IL5: variants seen among roughly 807,000 people sequenced by gnomAD.
IL5 encodes the protein interleukin 5, also known as interleukin-5.
IL5 carries 12 observed loss-of-function variants against 16.3 expected under a neutral mutation model. The ratio of observed to expected loss-of-function variants is 0.74; its 90% CI spans 0.47 to 1.20. The LOEUF (loss-of-function observed/expected upper bound fraction) is 1.20, where lower values mean the gene tolerates loss of function less well. Ranked by LOEUF, IL5 falls within the 50% of genes most tolerant of loss-of-function variation. The probability of loss-of-function intolerance (pLI) is 0.00; values close to 1 mark genes in which losing one functional copy is unlikely to be tolerated. For synonymous variants in IL5, 54 were observed against 56.6 expected (o/e 0.95, Z 0.21); for missense variants, 159 against 153.9 (o/e 1.03, Z -0.17).
chr5:132,543,642 C>T (rs1005694669), upstream of IL5: 11 of 478,588 alleles, frequency 2.3e-5, no homozygotes, highest in African/African-American at 4.0e-5. Context: ...TTTCCAATGC[C>T]TTATATCTTA....
At chr5:132,546,138 T>A (rs1378193175), upstream of IL5, among the ~76,000 whole-genome samples, 1 of 152,210 alleles carries the variant, frequency 6.6e-6, no homozygotes, top group Non-Finnish European at 1.5e-5. Flanking sequence ...GTATTTCTTT[T>A]AGAAATGTTT....
Position 132,543,432 on chromosome 5 carries a change from T to C in IL5, c.47A>G (p.Tyr16Cys), listed in dbSNP as rs1365792142. The C allele has an allele frequency of 6.2e-7, 1 of 1,614,002 alleles. No homozygotes were observed. Among genetic ancestry groups the C allele is most frequent in the African/African-American group, 1.3e-5 (1 of 74,938 alleles). ...AATTTCTGTGGGGATGGCATACACG[T>C]AGGCAGCTCCAAGAGCTAGCAAACT... ...HLSLLALGAA[Y>C]VYAIPTEIPT... Residue 16 changes from tyrosine (Y) to cysteine (C), a missense_variant, in exon 1 of 4, where the codon TAC becomes TGC. By Grantham distance (194) the Tyr-to-Cys change is radical (BLOSUM62 -2). Transcript: ENST00000231454.
intron 1 of IL5, among the ~76,000 whole-genome samples, chr5:132,554,322 G>A (rs1241049047): frequency 7.3e-6 from 1 of 136,458 alleles, no homozygotes; most frequent in Non-Finnish European, 1.5e-5. Context: ...AGCCAAGATC[G>A]CACCATTGCA....
chr5:132,544,837 C>T (rs560776560), upstream of IL5, among the ~76,000 whole-genome samples: 3 of 152,264 alleles, frequency 2.0e-5, no homozygotes, highest in Admixed American at 1.3e-4. Context: ...GAACAGTTTT[C>T]CAAAGCTAGG....
rs1749900732 is a variant in IL5 at position 132,552,564 on chromosome 5, C to T, written c.42+4110G>A. Among the ~76,000 whole-genome samples the T allele has an allele frequency of 2.0e-5, 3 of 151,968 alleles. No homozygotes were observed. The South Asian group carries it at 6.2e-4, about 32-fold the overall frequency. On this transcript the variant is annotated intron_variant, in intron 1 of 2. Coordinates refer to the IL5 transcript ENST00000450655. The stretch of plus-strand genomic sequence containing the variant: ...AGTTGAAATTTTTTTGTAATGGAAC[C>T]TGGTTACCTTGGCATGTCCATTTTT...
chr5:132,542,216 C>T (rs1749708945), intron 2 of IL5, 73 bp from the exon 3 acceptor site: 1 of 959,982 alleles, frequency 1.0e-6, no homozygotes, highest in African/African-American at 1.6e-5. Context: ...GTCCATTCTG[C>T]AATGTATACA....
chr5:132,543,278 C>G, intron 1 of IL5, 57 bp downstream of exon 1: 1 of 1,509,314 alleles, frequency 6.6e-7, no homozygotes, highest in South Asian at 1.2e-5. Context: ...GTAAAGGAAC[C>G]ATCACAAATG....
chr5:132,549,907 T>C (rs1749857778), intron 1 of IL5, among the ~76,000 whole-genome samples: 1 of 152,232 alleles, frequency 6.6e-6, no homozygotes, highest in Non-Finnish European at 1.5e-5. Context: ...AATAACATTA[T>C]AGGAAAATAA....
intron 1 of IL5, among the ~76,000 whole-genome samples, chr5:132,553,509 T>C (rs920661132): frequency 3.3e-5 from 5 of 152,258 alleles, no homozygotes; most frequent in African/African-American, 4.8e-5. Context: ...CATTTCTTGC[T>C]TCTTCTTTTA....
At chr5:132,553,663 A>C (rs1749919557) in intron 1 of IL5, among the ~76,000 whole-genome samples, 1 of 150,912 alleles carries the variant, frequency 6.6e-6, no homozygotes, top group African/African-American at 2.4e-5. Flanking sequence ...GTGGCCGGGC[A>C]CGCTGGCTCA....
upstream of IL5, chr5:132,543,560 C>A: frequency 7.2e-7 from 1 of 1,389,214 alleles, no homozygotes. Flanking sequence ...TATTGTCTGT[C>A]TTTGAGGAAA....
chr5:132,548,636 CCA>C (rs1348408917), intron 1 of IL5, among the ~76,000 whole-genome samples: 6 of 152,116 alleles, frequency 3.9e-5, no homozygotes, highest in Non-Finnish European at 5.9e-5. Flanking sequence ...CTACACAGTC[CCA>C]GTCTGTGAGT....
intron 1 of IL5, among the ~76,000 whole-genome samples, chr5:132,553,975 T>G (rs1749927691): frequency 6.8e-6 from 1 of 148,090 alleles, no homozygotes; most frequent in South Asian, 2.1e-4. Flanking sequence ...GTCTTGGTGG[T>G]TTACACAAAT....
chr5:132,548,517 A>G (rs931809143), upstream of IL5, among the ~76,000 whole-genome samples: 1 of 152,228 alleles, frequency 6.6e-6, no homozygotes, highest in African/African-American at 2.4e-5. Flanking sequence ...TTATTTCATT[A>G]TACTGTTGAT....
At chr5:132,546,990 C>T (rs190777700), upstream of IL5, among the ~76,000 whole-genome samples, 247 of 152,234 alleles carry the variant, frequency 1.6e-3, no homozygotes, top group African/African-American at 5.8e-3. Context: ...CACGCCACTG[C>T]ACGCCAGCCT....
rs553316193 is a variant in IL5, at chr5:132,556,014, A to G, written c.42+660T>C. On this transcript the variant is annotated intron_variant, in intron 1 of 2. Coordinates refer to the IL5 transcript ENST00000450655. ...TTTTAACCTGGTACAGCAAGAGACT[A>G]TTTCTCACTGGTCTTCCCCACTTGC... 4 of 152,052 alleles carry G rather than the reference A, an allele frequency of 2.6e-5. No homozygotes were observed. In the East Asian group the frequency reaches 7.7e-4, roughly 29 times the overall value. The allele number at this position is 152,052 out of a possible 1,614,324, so 9.4% of individuals were successfully genotyped here. A position where few individuals can be genotyped will look rare whatever the true frequency, so the allele number is the denominator to read the frequency against.
chr5:132,543,380 G>T lies in IL5; in HGVS notation c.99C>A (p.Thr33=). ...EIPTSALVKE[T]LALLSTHRTL... Reference sequence around the variant, plus strand: ...TTCGATGAGTAGAAAGCAGTGCCAAGGTCTCTTTCACCAATGCACTTGTGG... The same window carrying T: ...TTCGATGAGTAGAAAGCAGTGCCAATGTCTCTTTCACCAATGCACTTGTGG... Residue 33 remains threonine (T), a synonymous_variant, in exon 1 of 4, where the codon ACC becomes ACA. Transcript: ENST00000231454. 6.2e-7 allele frequency: 1 copy of T among 1,614,188 alleles called. No homozygotes were observed. Among genetic ancestry groups the T allele is most frequent in the Middle Eastern group, 1.6e-4 (1 of 6,062 alleles).
chr5:132,543,193 T>TTG, intron 1 of IL5, 67 bp from the exon 2 acceptor site: 1 of 1,488,856 alleles, frequency 6.7e-7, no homozygotes, highest in Non-Finnish European at 9.3e-7. Flanking sequence ...AACAGAATGT[T>TTG]TGCTGGTGAT....
chr5:132,549,583 T>C (rs1188585208), intron 1 of IL5, among the ~76,000 whole-genome samples: 1 of 152,208 alleles, frequency 6.6e-6, no homozygotes, highest in East Asian at 1.9e-4. Flanking sequence ...AATTTTATAA[T>C]TTAAAAAAAG....
Sources: gnomAD v4.1 joint callset for allele counts (sites outside exome capture counted in the v4.1 genomes callset) on GRCh38, gnomAD v4.1.1 for gene constraint, MANE v1.5 for transcripts, NCBI Gene and HGNC (gene_info 2026-07-23, HGNC 2026-07-21) for gene names.